The following SGCD variants were observed in gnomAD, a reference collection of about 807,000 sequenced individuals.
SGCD encodes the protein delta-sarcoglycan.
SGCD carries 18 observed loss-of-function variants against 36.6 expected under a neutral mutation model. The observed-to-expected ratio is 0.49, with a 90% CI of 0.34 to 0.73. The LOEUF is 0.73. SGCD is among the 30% of genes least tolerant of loss of function. SGCD has a pLI of 0.01. For synonymous variants in SGCD, 133 were observed against 130.6 expected (o/e 1.02, Z -0.12); for missense variants, 387 against 346.7 (o/e 1.12, Z -0.92).
At chr5:156,080,202 C>T (rs560491577) in intron 1 of SGCD, among the ~76,000 whole-genome samples, 28 of 152,322 alleles carry the variant, frequency 1.8e-4, no homozygotes, top group Admixed American at 4.6e-4. Context: ...AGCAGGGATG[C>T]AGACATCAGC....
chr5:156,323,924 A>G (rs1051435136), upstream of SGCD, among the ~76,000 whole-genome samples: 3 of 152,238 alleles, frequency 2.0e-5, no homozygotes, highest in Non-Finnish European at 2.9e-5. Context: ...CAGTGCCTAC[A>G]TAGTTTGAGC....
Position 156,518,476 on chromosome 5 carries a change from G to T in SGCD, c.294+9774G>T, listed in dbSNP as rs553566329. Among the ~76,000 whole-genome samples, 5 of 152,206 alleles carry T rather than the reference G, an allele frequency of 3.3e-5. No homozygotes were observed. The South Asian group carries it at 1.0e-3, about 32-fold the overall frequency. On this transcript the variant is annotated intron_variant, in intron 4 of 8. Transcript: ENST00000337851. ...TATTTAGGACTTGAACTCAGCTCTG[G>T]ATCAAGTGGGCCTGATAGATATCTC... is the stretch of plus-strand genomic sequence containing the variant.
intron 5 of SGCD, among the ~76,000 whole-genome samples, chr5:156,594,030 C>A (rs902479556): frequency 6.6e-5 from 10 of 152,106 alleles, no homozygotes; most frequent in Non-Finnish European, 1.2e-4. Flanking sequence ...CTGTGTGTTT[C>A]TGTAGACCAG....
chr5:156,444,146 T>TTCTCTCTCTCCTTCCCTC (rs1753655092), intron 3 of SGCD, among the ~76,000 whole-genome samples: 1 of 50,098 alleles, frequency 2.0e-5, no homozygotes, highest in Non-Finnish European at 4.0e-5. Flanking sequence ...CTCCTTCCCT[T>TTCTCTCTCTCCTTCCCTC]TCTCTCTCTC....
At chr5:156,329,927 G>A (rs568821630) in intron 2 of SGCD, among the ~76,000 whole-genome samples, 2 of 146,800 alleles carry the variant, frequency 1.4e-5, no homozygotes, top group East Asian at 4.1e-4. Context: ...TGATGCAGGA[G>A]AATGGCGTGA....
At chr5:156,080,978 T>C (rs1217410580) in intron 1 of SGCD, among the ~76,000 whole-genome samples, 3 of 152,210 alleles carry the variant, frequency 2.0e-5, no homozygotes, top group Admixed American at 2.0e-4. Flanking sequence ...GTTAGGCCAT[T>C]CCTGCATTGC....
At chr5:156,401,108 A>G (rs1372502554) in intron 3 of SGCD, among the ~76,000 whole-genome samples, 1 of 152,202 alleles carries the variant, frequency 6.6e-6, no homozygotes, top group African/African-American at 2.4e-5. Context: ...AGACATACAC[A>G]TGAAGTGATT....
chr5:155,762,367 T>C, the SGCD span, among the ~76,000 whole-genome samples: 3 of 152,218 alleles, frequency 2.0e-5, no homozygotes, highest in African/African-American at 7.2e-5. Flanking sequence ...TTTTCTGACC[T>C]CTCTGCTAAC....
intron 3 of SGCD, among the ~76,000 whole-genome samples, chr5:156,288,756 C>G (rs1165784904): frequency 1.3e-5 from 2 of 151,912 alleles, no homozygotes; most frequent in African/African-American, 2.4e-5. Context: ...AGCATTTGTT[C>G]CAAGTAATCT....
At chr5:156,542,570 A>G (rs1327247788) in intron 4 of SGCD, among the ~76,000 whole-genome samples, 2 of 152,172 alleles carry the variant, frequency 1.3e-5, no homozygotes, top group Admixed American at 6.6e-5. Flanking sequence ...TGCATTATAC[A>G]TATTCATGTA....
At chr5:156,616,749 G>T (rs957474048) in intron 6 of SGCD, among the ~76,000 whole-genome samples, 2 of 152,164 alleles carry the variant, frequency 1.3e-5, no homozygotes, top group Non-Finnish European at 2.9e-5. Context: ...TATAAAAACA[G>T]CATGTTCCCA....
intron 3 of SGCD, among the ~76,000 whole-genome samples, chr5:156,131,223 G>A (rs1464149145): frequency 6.6e-6 from 1 of 152,160 alleles, no homozygotes; most frequent in Admixed American, 6.5e-5. Context: ...AACCCCATAT[G>A]ACTTGCAGAG....
At chr5:156,301,116 C>T (rs1484601512) in intron 3 of SGCD, among the ~76,000 whole-genome samples, 2 of 151,952 alleles carry the variant, frequency 1.3e-5, no homozygotes, top group Admixed American at 6.6e-5. Context: ...TAAGGACTTG[C>T]TCCTGCCATT....
chr5:155,897,850 C>T (rs565803192), intron 1 of SGCD, among the ~76,000 whole-genome samples: 3 of 152,266 alleles, frequency 2.0e-5, no homozygotes, highest in Admixed American at 2.0e-4. Context: ...ACCAACATGT[C>T]ATCATGCAGC....
chr5:156,465,669 C>T (rs533041464), intron 3 of SGCD, among the ~76,000 whole-genome samples: 2 of 152,118 alleles, frequency 1.3e-5, no homozygotes, highest in African/African-American at 4.8e-5. Flanking sequence ...TCTTTCTGAC[C>T]CACATCAAAA....
intron 7 of SGCD, among the ~76,000 whole-genome samples, chr5:156,681,307 A>C (rs1753713044): frequency 6.6e-6 from 1 of 152,186 alleles, no homozygotes; most frequent in Admixed American, 6.5e-5. Flanking sequence ...ATCTCCATCC[A>C]GGCCCCTCTC....
At chr5:156,639,193 T>C (rs942289870) in intron 6 of SGCD, among the ~76,000 whole-genome samples, 2 of 152,236 alleles carry the variant, frequency 1.3e-5, no homozygotes, top group South Asian at 4.1e-4. Flanking sequence ...TACACACATA[T>C]ATAGTCACTA....
intron 4 of SGCD, among the ~76,000 whole-genome samples, chr5:156,588,838 T>C (rs1760599819): frequency 6.6e-6 from 1 of 152,232 alleles, no homozygotes; most frequent in East Asian, 1.9e-4. Flanking sequence ...ATGGGTCTTT[T>C]GAAGAAAGGA....
At chr5:156,149,918 A>C (rs1464095929) in intron 3 of SGCD, among the ~76,000 whole-genome samples, 1 of 152,206 alleles carries the variant, frequency 6.6e-6, no homozygotes, top group East Asian at 1.9e-4. Context: ...GGACCAGTTT[A>C]CAACTGAAGA....
Sources: gnomAD v4.1 joint callset for allele counts (sites outside exome capture counted in the v4.1 genomes callset) on GRCh38, gnomAD v4.1.1 for gene constraint, MANE v1.5 for transcripts, NCBI Gene and HGNC (gene_info 2026-07-23, HGNC 2026-07-21) for gene names.